ABCC11: variants seen among roughly 807,000 people sequenced by gnomAD.
ABCC11 encodes ATP binding cassette subfamily C member 11.
A neutral mutation model predicts 149.3 loss-of-function variants in ABCC11; 135 were observed. The observed-to-expected ratio is 0.90, with a 90% CI of 0.79 to 1.04. ABCC11 has a LOEUF of 1.04. Among genes scored for constraint, ABCC11 ranks in the 50% least tolerant of loss-of-function variants. The pLI is 0.00. For missense variants in ABCC11, 1,680 were observed against 1,722.1 expected (o/e 0.98, Z 0.43); for synonymous variants, 665 against 671.4 (o/e 0.99, Z 0.15).
chr16:48,213,596 C>T (rs369041023), intron 9 of ABCC11, 46 bp from the exon 10 acceptor site: 138 of 1,477,356 alleles, frequency 9.3e-5, no homozygotes, highest in Middle Eastern at 1.7e-4. Context: ...GCCCTTCCTG[C>T]TTCCTCCATT....
chr16:48,209,450 CA>C (rs1968726371), intron 11 of ABCC11: 1 of 152,282 alleles, frequency 6.6e-6, no homozygotes, highest in Non-Finnish European at 1.5e-5. Flanking sequence ...GCAAGATTCT[CA>C]TAAGGAGTGT....
At chr16:48,182,260 G>A (rs765137837) in intron 23 of ABCC11, among the ~76,000 whole-genome samples, 22 of 152,168 alleles carry the variant, frequency 1.4e-4, no homozygotes, top group Non-Finnish European at 3.1e-4. Context: ...ACACATACAT[G>A]CATTCTTGGA....
intron 1 of ABCC11, among the ~76,000 whole-genome samples, chr16:48,234,581 C>A (rs932640753): frequency 6.6e-6 from 1 of 152,158 alleles, no homozygotes; most frequent in East Asian, 1.9e-4. Flanking sequence ...CTGTGGCTGG[C>A]TGTGCCTGGT....
intron 1 of ABCC11, among the ~76,000 whole-genome samples, chr16:48,243,485 G>A (rs1176470178): frequency 2.6e-5 from 4 of 151,728 alleles, no homozygotes; most frequent in Admixed American, 1.3e-4. Flanking sequence ...ACACCTAGGA[G>A]ATTTCACAAC....
At chr16:48,240,676 T>G (rs1425009825) in intron 1 of ABCC11, among the ~76,000 whole-genome samples, 3 of 151,938 alleles carry the variant, frequency 2.0e-5, no homozygotes, top group Non-Finnish European at 2.9e-5. Context: ...ACCCCAGAAC[T>G]TAAAATATTA....
chr16:48,202,066 CATTT>C (rs1180171197), intron 14 of ABCC11, among the ~76,000 whole-genome samples: 1 of 152,196 alleles, frequency 6.6e-6, no homozygotes, highest in Admixed American at 6.5e-5. Context: ...CCCATTCATT[CATTT>C]ACTTATTCAT....
chr16:48,211,266 C>T, intron 10 of ABCC11, 67 bp from the exon 11 acceptor site: 2 of 1,550,148 alleles, frequency 1.3e-6, no homozygotes, highest in Non-Finnish European at 1.7e-6. Context: ...AATGTGTTCC[C>T]AGTTTTACAA....
At position 48,229,759 on chromosome 16, in the gene ABCC11, C is replaced by T. The variant is rs570620894; in HGVS notation, c.236+678G>A. Among the ~76,000 whole-genome samples, 21 of 152,252 alleles carry T rather than the reference C, an allele frequency of 1.4e-4. No homozygotes were observed. In the East Asian group the frequency reaches 1.9e-3, roughly 14 times the overall value. On this transcript the variant is annotated intron_variant, in intron 3 of 29. Transcript: ENST00000356608. The stretch of plus-strand genomic sequence containing the variant: ...GATTACAGGCGTGAGCCACCGCGCC[C>T]GGCCGGCTGGTAACTTTAATGTGGC...
chr16:48,198,896 G>C (rs979524630), intron 15 of ABCC11, among the ~76,000 whole-genome samples: 11 of 152,002 alleles, frequency 7.2e-5, no homozygotes, highest in Admixed American at 6.6e-5. Context: ...AATCAGCCAG[G>C]TGTGGTGGCG....
At chr16:48,164,824 C>A (rs577919314), downstream of ABCC11, 214 of 133,654 alleles carry the variant, frequency 1.6e-3, no homozygotes, top group African/African-American at 5.5e-3. Flanking sequence ...TGGTATTTTT[C>A]AAAAAATTCT....
intron 4 of ABCC11, among the ~76,000 whole-genome samples, chr16:48,226,016 C>T (rs975815098): frequency 2.0e-5 from 3 of 152,006 alleles, no homozygotes; most frequent in African/African-American, 7.3e-5. Flanking sequence ...GAAGAACAAG[C>T]AAACTCAAAT....
At position 48,170,228 on chromosome 16, in the gene ABCC11, G is replaced by A. The variant is rs1335851036; in HGVS notation, c.3778-10C>T. ...TGGGGAACTTTGAGATCTGCGATATGGGAAGAAGAGACAACATAACCTGGA... is the reference window on the plus strand; with the variant it reads ...TGGGGAACTTTGAGATCTGCGATATAGGAAGAAGAGACAACATAACCTGGA... On this transcript the variant is annotated splice_polypyrimidine_tract_variant and intron_variant, in intron 27 of 29. Transcript: ENST00000356608. 4 of 1,604,730 alleles carry A rather than the reference G, an allele frequency of 2.5e-6. No homozygotes were observed. The African/African-American group carries it at 5.4e-5, about 21-fold the overall frequency.
chr16:48,198,323 G>GT, intron 15 of ABCC11, 48 bp from the exon 16 acceptor site: 5 of 1,568,216 alleles, frequency 3.2e-6, no homozygotes, highest in Non-Finnish European at 4.4e-6. Flanking sequence ...ATGGAAAGAT[G>GT]TTTGATTTTA....
chr16:48,205,444 T>A lies in ABCC11; in HGVS notation c.1774A>T (p.Ile592Phe). The A allele has an allele frequency of 6.2e-7, 1 of 1,614,140 alleles. No homozygotes were observed. Among genetic ancestry groups the A allele is most frequent in the Non-Finnish European group, 8.5e-7 (1 of 1,180,022 alleles). The change falls in exon 13 of 30, where the codon ATC (isoleucine) becomes TTC (phenylalanine). Residue 592 changes from isoleucine (I) to phenylalanine (F), a missense_variant. By Grantham distance (21) the Ile-to-Phe change is conservative. Coordinates refer to ENST00000356608, the MANE Select transcript of ABCC11 (RefSeq NM_001370497.1). ...TTGTCATATGCGCCTCCCATGAGGA[T>A]GTTCTCCCTGATGTTCCCGCTGACG... ...WIVSGNIRENILMGGAYDKAR... is the reference protein window; with the variant it reads ...WIVSGNIRENFLMGGAYDKAR...
intron 26 of ABCC11, among the ~76,000 whole-genome samples, chr16:48,171,678 A>G (rs1965732629): frequency 6.6e-6 from 1 of 152,194 alleles, no homozygotes; most frequent in South Asian, 2.1e-4. Flanking sequence ...CTTTTTCATC[A>G]TCCTGCTGGG....
intron 26 of ABCC11, among the ~76,000 whole-genome samples, chr16:48,171,853 C>T (rs1596653451): frequency 6.6e-6 from 1 of 152,234 alleles, no homozygotes; most frequent in East Asian, 1.9e-4. Context: ...GTCCCAGTTA[C>T]TCAGGAAGCT....
chr16:48,245,468 A>G (rs1048083149), intron 1 of ABCC11, among the ~76,000 whole-genome samples: 1 of 152,222 alleles, frequency 6.6e-6, no homozygotes. Flanking sequence ...ACTTTGCACC[A>G]TGCATGATGG....
At chr16:48,207,690 G>A (rs1391395737) in intron 12 of ABCC11, among the ~76,000 whole-genome samples, 2 of 151,504 alleles carry the variant, frequency 1.3e-5, no homozygotes, top group Non-Finnish European at 2.9e-5. Flanking sequence ...GAAGGGAAGG[G>A]AAGGAAAGGG....
intron 27 of ABCC11, 143 bp downstream of exon 27, chr16:48,170,746 C>A (rs1233750127): frequency 1.3e-6 from 1 of 764,164 alleles, no homozygotes; most frequent in Non-Finnish European, 2.2e-6. Flanking sequence ...TTAGGAATGC[C>A]AAGTCATCTC....
Sources: gnomAD v4.1 joint callset for allele counts (sites outside exome capture counted in the v4.1 genomes callset) on GRCh38, gnomAD v4.1.1 for gene constraint, MANE v1.5 for transcripts, NCBI Gene and HGNC (gene_info 2026-07-23, HGNC 2026-07-21) for gene names.